NEUROD4: variants seen among roughly 807,000 people sequenced by gnomAD.
NEUROD4 encodes neurogenic differentiation factor 4.
In NEUROD4, 16 loss-of-function variants were observed where a neutral mutation model predicts 19.8. The ratio of observed to expected loss-of-function variants is 0.81; its 90% confidence interval spans 0.55 to 1.23. The LOEUF (loss-of-function observed/expected upper bound fraction) is 1.23. NEUROD4 is among the 50% of genes most tolerant of loss of function. The pLI is 0.00. For synonymous variants in NEUROD4, 153 were observed against 147.9 expected (o/e 1.03, Z -0.25); for missense variants, 439 against 398.6 (o/e 1.10, Z -0.86).
At chr12:55,023,423 T>C (rs1952689053) in intron 1 of NEUROD4, among the ~76,000 whole-genome samples, 1 of 152,180 alleles carries the variant, frequency 6.6e-6, no homozygotes, top group Non-Finnish European at 1.5e-5. Context: ...GTATAGATGT[T>C]TTATAGCATT....
Position 55,019,975 on chromosome 12 carries a change from G to A in NEUROD4, c.-348G>A, listed in dbSNP as rs1565594854. On this transcript the variant is annotated 5_prime_UTR_variant, in exon 1 of 2. Transcript: ENST00000242994. Reference sequence around the variant, plus strand: ...TGCAGCAAGTCAGAGGCTCCGGCCAGAGAGCAGGAGCTGCCCAGAGGCTTG... The same window carrying A: ...TGCAGCAAGTCAGAGGCTCCGGCCAAAGAGCAGGAGCTGCCCAGAGGCTTG... The A allele has an allele frequency of 7.0e-6, 1 of 142,408 alleles. No individual in the cohort carries two copies. The highest frequency in any genetic ancestry group is 1.5e-5 in the Non-Finnish European group (1 of 67,184). The allele number at this position is 142,408 out of a possible 1,614,324, so 8.8% of individuals were successfully genotyped here.
intron 1 of NEUROD4, among the ~76,000 whole-genome samples, chr12:55,021,666 T>C (rs958630255): frequency 6.6e-6 from 1 of 151,858 alleles, no homozygotes; most frequent in Non-Finnish European, 1.5e-5. Context: ...TAGAACAGAT[T>C]TAAAATTTTT....
At chr12:55,022,000 C>T (rs1952676577) in intron 1 of NEUROD4, among the ~76,000 whole-genome samples, 2 of 152,106 alleles carry the variant, frequency 1.3e-5, no homozygotes, top group South Asian at 4.1e-4. Context: ...TGAGATAGTG[C>T]TACAGACTTT....
At position 55,027,039 on chromosome 12, in the gene NEUROD4, C is replaced by T. The variant is rs1179304335; in HGVS notation, c.600C>T (p.His200=). 1 of 1,614,026 alleles carries T rather than the reference C, an allele frequency of 6.2e-7. No homozygotes were observed. Among genetic ancestry groups the T allele is most frequent in the Non-Finnish European group, 8.5e-7 (1 of 1,180,030 alleles). Residue 200 remains histidine (H), a synonymous_variant, in exon 2 of 2, where the codon CAC becomes CAT. Coordinates refer to ENST00000242994, the MANE Select transcript of NEUROD4 (RefSeq NM_021191.3). ...SPICDSAISV[H]NFNYQSPGLP... Reference sequence around the variant, plus strand: ...TTTGTGACTCTGCCATCTCTGTCCACAACTTCAACTATCAGTCTCCGGGGC... The same window carrying T: ...TTTGTGACTCTGCCATCTCTGTCCATAACTTCAACTATCAGTCTCCGGGGC...
rs746104061 is a variant in NEUROD4 at position 55,026,872 on chromosome 12, A to G, written c.433A>G (p.Thr145Ala). The change falls in exon 2 of 2, where the codon ACT (threonine) becomes GCT (alanine). Residue 145 changes from threonine (T) to alanine (A), a missense_variant. Thr to Ala is a moderately conservative substitution (Grantham distance 58). Transcript: ENST00000242994. ...YIWALSEVLE[T>A]GQTPEGKGFV... is the part of the protein sequence containing the mutation. ...TTGGGCTTTATCTGAAGTCCTGGAG[A>G]CTGGCCAGACACCTGAAGGGAAAGG... 1.2e-6 allele frequency: 2 copies of G among 1,614,114 alleles called. No homozygotes were observed. The highest frequency in any genetic ancestry group is 8.5e-7 in the Non-Finnish European group (1 of 1,180,008).
In NEUROD4 at chr12:55,027,581, A is replaced by C. The variant is rs976629884; in HGVS notation, c.*146A>C. 1 of 738,414 alleles carries C rather than the reference A, an allele frequency of 1.4e-6. No homozygotes were observed. Among genetic ancestry groups the C allele is most frequent in the Non-Finnish European group, 2.3e-6 (1 of 440,056 alleles). 45.7% of individuals were successfully genotyped at this position (738,414 alleles called of 1,614,324 possible). On this transcript the variant is annotated 3_prime_UTR_variant, in exon 2 of 2. Coordinates refer to ENST00000242994, the MANE Select transcript of NEUROD4 (RefSeq NM_021191.3). ...AGTCCATTTAGGCTTTCCTTCACCT[A>C]TCACCTCTTTTCTCATCACCTTCTC...
At position 55,027,274 on chromosome 12, in the gene NEUROD4, T is replaced by C; in HGVS notation, c.835T>C (p.Phe279Leu). The stretch of plus-strand genomic sequence containing the variant: ...TCCTGACCTAGAAAAATCCTACAGC[T>C]TCATGCCACATTACCCTTCTTCAAG... Reference protein sequence around the residue: ...GSPDLEKSYSFMPHYPSSSLS... With the variant: ...GSPDLEKSYSLMPHYPSSSLS... The change falls in exon 2 of 2, where the codon TTC (phenylalanine) becomes CTC (leucine). Residue 279 changes from phenylalanine (F) to leucine (L), a missense_variant. Transcript: ENST00000242994. The C allele has an allele frequency of 1.2e-6, 2 of 1,614,120 alleles. No individual in the cohort carries two copies. The highest frequency in any genetic ancestry group is 1.7e-6 in the Non-Finnish European group (2 of 1,180,008).
rs1475449562 is a variant in NEUROD4, at chr12:55,028,314, G to T, written c.*879G>T. The T allele has an allele frequency of 6.0e-6, 1 of 167,038 alleles. No homozygotes were observed. Among genetic ancestry groups the T allele is most frequent in the African/African-American group, 2.4e-5 (1 of 41,448 alleles). 10.3% of individuals were successfully genotyped at this position (167,038 alleles called of 1,614,324 possible). On this transcript the variant is annotated 3_prime_UTR_variant, in exon 2 of 2. Coordinates refer to ENST00000242994, the MANE Select transcript of NEUROD4 (RefSeq NM_021191.3). ...CCTATAACTAATGGGACATAGAGAA[G>T]TCTTTTAGACCATGACCTCCATAAC...
At chr12:55,020,758 A>C (rs1034160645) in intron 1 of NEUROD4, among the ~76,000 whole-genome samples, 17 of 152,200 alleles carry the variant, frequency 1.1e-4, no homozygotes, top group Admixed American at 7.2e-4. Context: ...GGAGGCAGGG[A>C]AAGGAAAACA....
At chr12:55,025,593 A>G (rs1952719478) in intron 1 of NEUROD4, among the ~76,000 whole-genome samples, 2 of 152,210 alleles carry the variant, frequency 1.3e-5, no homozygotes, top group Non-Finnish European at 2.9e-5. Flanking sequence ...TGATCCTTTC[A>G]AGATGCCATG....
chr12:55,025,527 CTT>C (rs1952718583), intron 1 of NEUROD4, among the ~76,000 whole-genome samples: 1 of 152,208 alleles, frequency 6.6e-6, no homozygotes, highest in African/African-American at 2.4e-5. Flanking sequence ...AGAGATCTCA[CTT>C]TAACATATGG....
At position 55,026,515 on chromosome 12, in the gene NEUROD4, G is replaced by A. The variant is rs1952731711; in HGVS notation, c.76G>A (p.Gly26Ser). The change falls in exon 2 of 2, where the codon GGC becomes AGC. Residue 26 changes from glycine (G) to serine (S), a missense_variant. By Grantham distance (56) the Gly-to-Ser change is moderately conservative. Transcript: ENST00000242994. ...ACCATCCTGGATGGATAAAGGTCTG[G>A]GCTCCCAAAATGAGGTGAAGGAGGA... ...NTPSWMDKGL[G>S]SQNEVKEEES... is the part of the protein sequence containing the mutation. 3.1e-6 allele frequency: 5 copies of A among 1,614,008 alleles called. No homozygotes were observed. The highest frequency in any genetic ancestry group is 4.2e-6 in the Non-Finnish European group (5 of 1,179,946).
chr12:55,028,869 C>T lies in NEUROD4; in HGVS notation c.*1434C>T, dbSNP rs1236961154. On this transcript the variant is annotated 3_prime_UTR_variant, in exon 2 of 2. Coordinates refer to ENST00000242994, the MANE Select transcript of NEUROD4 (RefSeq NM_021191.3). ...AACTCCTTTTTCCTTTATATCAATG[C>T]TAACTTCATCAAATTTGTATTTTTT... The T allele has an allele frequency of 6.0e-6, 1 of 166,454 alleles. No homozygotes were observed. The highest frequency in any genetic ancestry group is 1.5e-5 in the Non-Finnish European group (1 of 68,084). The allele number at this position is 166,454 out of a possible 1,614,324, so 10.3% of individuals were successfully genotyped here.
At position 55,020,024 on chromosome 12, in the gene NEUROD4, G is replaced by A. The variant is rs1952664440; in HGVS notation, c.-299G>A. The A allele has an allele frequency of 6.6e-6, 1 of 152,290 alleles. No homozygotes were observed. Among genetic ancestry groups the A allele is most frequent in the Admixed American group, 6.5e-5 (1 of 15,282 alleles). 9.4% of individuals were successfully genotyped at this position (152,290 alleles called of 1,614,324 possible). On this transcript the variant is annotated 5_prime_UTR_variant, in exon 1 of 2. Transcript: ENST00000242994. The stretch of plus-strand genomic sequence containing the variant: ...TGTGGTCCTGAAAGCTCCTCTCCGG[G>A]GAGCTAACCAGGGAGAGGAGGTACT...
chr12:55,026,762 A>G lies in NEUROD4; in HGVS notation c.323A>G (p.Asp108Gly). The change falls in exon 2 of 2, where the codon GAT (aspartate) becomes GGT (glycine). Residue 108 changes from aspartate (D) to glycine (G), a missense_variant. Coordinates refer to ENST00000242994, the MANE Select transcript of NEUROD4 (RefSeq NM_021191.3). The part of the protein sequence containing the change: ...TRMHGLNDAL[D>G]NLRRVMPCYS... ...ATGCATGGCCTGAATGACGCCCTGG[A>G]TAACCTGAGGCGAGTCATGCCATGC... The G allele has an allele frequency of 1.2e-6, 2 of 1,614,150 alleles. No homozygotes were observed. The highest frequency in any genetic ancestry group is 1.1e-5 in the South Asian group (1 of 91,090).
At chr12:55,022,349 T>C (rs959560005) in intron 1 of NEUROD4, among the ~76,000 whole-genome samples, 13 of 152,154 alleles carry the variant, frequency 8.5e-5, no homozygotes, top group Admixed American at 1.3e-4. Context: ...TTTGTTGTGA[T>C]CAGTATGTGT....
Position 55,026,641 on chromosome 12 carries a change from A to T in NEUROD4, c.202A>T (p.Lys68Ter). ...AGAGGAAGAAGATGGGGAGAAACCT[A>T]AGAGAAGGGGTCCCAAGAAAAAGAA... is the stretch of plus-strand genomic sequence containing the variant. ...EEEEEDGEKP[K>*]RRGPKKKKMT... Residue 68 changes from lysine (K) to a stop codon, truncating the protein, a stop_gained, in exon 2 of 2, where the codon AAG (lysine) becomes TAG (stop). Coordinates refer to ENST00000242994, the MANE Select transcript of NEUROD4 (RefSeq NM_021191.3). LOFTEE classifies it high-confidence loss of function. 2 of 1,613,938 alleles carry T rather than the reference A, an allele frequency of 1.2e-6. No individual in the cohort carries two copies. The highest frequency in any genetic ancestry group is 1.7e-6 in the Non-Finnish European group (2 of 1,179,884).
rs1952755125 is a variant in NEUROD4 at position 55,028,122 on chromosome 12, T to G, written c.*687T>G. The G allele has an allele frequency of 6.0e-6, 1 of 166,778 alleles. No individual in the cohort carries two copies. Among genetic ancestry groups the G allele is most frequent in the South Asian group, 2.1e-4 (1 of 4,830 alleles). 10.3% of individuals were successfully genotyped at this position (166,778 alleles called of 1,614,324 possible). A position where few individuals can be genotyped will look rare whatever the true frequency, so the allele number is the denominator to read the frequency against. On this transcript the variant is annotated 3_prime_UTR_variant, in exon 2 of 2. Coordinates refer to ENST00000242994, the MANE Select transcript of NEUROD4 (RefSeq NM_021191.3). ...AAAACATGTTCGTTAAGAGACTAAC[T>G]CTATTTGTTATTAGACTAAAAGTTG... is the stretch of plus-strand genomic sequence containing the variant.
intron 1 of NEUROD4, among the ~76,000 whole-genome samples, chr12:55,025,765 T>C (rs1380585527): frequency 6.6e-6 from 1 of 152,216 alleles, no homozygotes; most frequent in East Asian, 1.9e-4. Context: ...CAGCCAGTTG[T>C]GTCATGGACA....
Sources: gnomAD v4.1 joint callset for allele counts (sites outside exome capture counted in the v4.1 genomes callset) on GRCh38, gnomAD v4.1.1 for gene constraint, MANE v1.5 for transcripts, NCBI Gene and HGNC (gene_info 2026-07-23, HGNC 2026-07-21) for gene names.